POU3F3: variants seen among roughly 807,000 people sequenced by gnomAD.
POU3F3 encodes the protein POU class 3 homeobox 3.
Under a neutral mutation model 8.6 loss-of-function variants are expected in POU3F3, and 1 was observed. That is an observed-to-expected ratio of 0.12 (90% confidence interval 0.04 to 0.55). The LOEUF (loss-of-function observed/expected upper bound fraction) is 0.55. POU3F3 is among the 20% of genes least tolerant of loss of function. POU3F3 has a pLI of 0.91. For synonymous variants in POU3F3, 418 were observed against 327.4 expected, an observed-to-expected ratio of 1.28 and a Z score of -2.99; for missense variants, 577 against 690.7, an observed-to-expected ratio of 0.84 and a Z score of 1.84.
chr2:104,866,270 C>G, the POU3F3 span: 1 of 152,192 alleles, frequency 6.6e-6, no homozygotes, highest in African/African-American at 2.4e-5. Context: ...GCACCTGAAA[C>G]GGGCTTTCTG....
downstream of POU3F3, among the ~76,000 whole-genome samples, chr2:104,859,320 C>T (rs930997275): frequency 6.6e-6 from 1 of 152,148 alleles, no homozygotes; most frequent in African/African-American, 2.4e-5. Flanking sequence ...TTTACATAAA[C>T]CCTGCAGAGT....
At chr2:104,869,766 AGCCAGGCTTGGTG>A in the POU3F3 span, 1 of 152,176 alleles carries the variant, frequency 6.6e-6, no homozygotes, top group South Asian at 2.1e-4. Flanking sequence ...CCCACCTCCC[AGCCAGGCTTGGTG>A]GTGGGCAGAT....
the POU3F3 span, among the ~76,000 whole-genome samples, chr2:104,885,572 T>G: frequency 2.6e-5 from 4 of 152,106 alleles, no homozygotes; most frequent in Admixed American, 2.0e-4. Context: ...TAAAAGGCAC[T>G]CCCACCAGCA....
the POU3F3 span, among the ~76,000 whole-genome samples, chr2:104,922,205 G>A: frequency 1.3e-5 from 2 of 151,948 alleles, no homozygotes; most frequent in African/African-American, 4.8e-5. Context: ...CTGATTACCG[G>A]AGTTACTACA....
At chr2:104,888,091 A>C in the POU3F3 span, among the ~76,000 whole-genome samples, 4 of 152,230 alleles carry the variant, frequency 2.6e-5, 1 homozygote, top group South Asian at 6.2e-4. Context: ...CATCCATTTC[A>C]GATATAATGC....
rs1351156287 is a variant in POU3F3 at position 104,856,588 on chromosome 2, A to G, written c.1078A>G (p.Ile360Val). ...LYGNVFSQTT[I>V]CRFEALQLSF... The stretch of plus-strand genomic sequence containing the variant: ...CGGCAACGTGTTCTCGCAGACCACC[A>G]TCTGCCGCTTCGAGGCCCTGCAGCT... The change falls in exon 1 of 1, where the codon ATC becomes GTC. Residue 360 changes from isoleucine (I) to valine (V), a missense_variant. Physicochemically the swap from Ile to Val is conservative, Grantham distance 29. This residue lies in a region of POU3F3 where 20 missense variants were observed against 107.7 expected (regional missense o/e 0.19). Coordinates refer to ENST00000361360, the MANE Select transcript of POU3F3 (RefSeq NM_006236.3). The G allele has an allele frequency of 6.2e-7, 1 of 1,614,056 alleles. No individual in the cohort carries two copies. The highest frequency in any genetic ancestry group is 1.3e-5 in the African/African-American group (1 of 74,938).
chr2:104,872,342 C>T, the POU3F3 span: 1 of 456,602 alleles, frequency 2.2e-6, no homozygotes, highest in Non-Finnish European at 4.4e-6. This position sits in a 1 kb window ranked among gnomAD's most constrained non-coding sequence, Gnocchi z 4.6. Context: ...AAGACCAGAG[C>T]ACACACTTCG....
At chr2:104,867,183 G>A in the POU3F3 span, 1 of 152,206 alleles carries the variant, frequency 6.6e-6, no homozygotes, top group African/African-American at 2.4e-5. The surrounding 1 kb of genome is among the most constrained non-coding windows in gnomAD (Gnocchi z 5.0). Flanking sequence ...TACTGCAGGC[G>A]GGGCGAACCG....
At chr2:104,906,200 T>G in the POU3F3 span, among the ~76,000 whole-genome samples, 4 of 152,254 alleles carry the variant, frequency 2.6e-5, no homozygotes, top group Non-Finnish European at 4.4e-5. Context: ...CCATTTGAAT[T>G]TATTTTGATG....
At chr2:104,910,477 A>G in the POU3F3 span, among the ~76,000 whole-genome samples, 3 of 152,198 alleles carry the variant, frequency 2.0e-5, no homozygotes, top group Non-Finnish European at 4.4e-5. Flanking sequence ...AACTACAGGC[A>G]GATCGTGTAA....
chr2:104,866,201 G>A, the POU3F3 span: 1 of 152,170 alleles, frequency 6.6e-6, no homozygotes, highest in Non-Finnish European at 1.5e-5. Context: ...GAGTGGCCTT[G>A]AGTCCCAAGC....
chr2:104,884,839 G>A, the POU3F3 span, among the ~76,000 whole-genome samples: 1 of 152,124 alleles, frequency 6.6e-6, no homozygotes. Flanking sequence ...GGAAAACCTA[G>A]GTGCTCCAAG....
chr2:104,925,638 A>C, the POU3F3 span, among the ~76,000 whole-genome samples: 1 of 152,200 alleles, frequency 6.6e-6, no homozygotes, highest in Non-Finnish European at 1.5e-5. Flanking sequence ...TAAAACTGTA[A>C]AAAGTAAGAC....
chr2:104,879,047 C>T, the POU3F3 span, among the ~76,000 whole-genome samples: 2 of 151,496 alleles, frequency 1.3e-5, no homozygotes, highest in Non-Finnish European at 2.9e-5. Context: ...TACATACAAA[C>T]CACATACAAC....
At chr2:104,879,611 G>T in the POU3F3 span, among the ~76,000 whole-genome samples, 2 of 152,140 alleles carry the variant, frequency 1.3e-5, no homozygotes, top group Non-Finnish European at 2.9e-5. Context: ...TGAGCAGAAT[G>T]GGGTGGCCCT....
At chr2:104,854,063 T>C (rs1481078115), upstream of POU3F3, among the ~76,000 whole-genome samples, 1 of 152,054 alleles carries the variant, frequency 6.6e-6, no homozygotes, top group Non-Finnish European at 1.5e-5. The surrounding 1 kb of genome is among the most constrained non-coding windows in gnomAD (Gnocchi z 4.5). Flanking sequence ...CTCGACTTCC[T>C]TGTATTTGGG....
the POU3F3 span, among the ~76,000 whole-genome samples, chr2:104,885,807 T>C: frequency 3.9e-5 from 6 of 152,104 alleles, no homozygotes; most frequent in Non-Finnish European, 8.8e-5. Flanking sequence ...TTCTTTCTTT[T>C]TTTTTTTGAG....
At chr2:104,894,073 T>C in the POU3F3 span, among the ~76,000 whole-genome samples, 1 of 152,170 alleles carries the variant, frequency 6.6e-6, no homozygotes, top group East Asian at 1.9e-4. Context: ...GTTAAGATCC[T>C]TGCTCTGCTA....
chr2:104,889,338 A>G, the POU3F3 span, among the ~76,000 whole-genome samples: 1 of 152,134 alleles, frequency 6.6e-6, no homozygotes, highest in East Asian at 1.9e-4. Context: ...AGGTCCTGCT[A>G]GTGCGGCTTC....
Sources: allele counts gnomAD v4.1 joint callset (sites outside exome capture counted in the v4.1 genomes callset), GRCh38; gene constraint gnomAD v4.1.1; regional missense constraint gnomAD v4.1.1; non-coding constraint Gnocchi (gnomAD v3.1); transcripts MANE v1.5; gene names NCBI Gene and HGNC (gene_info 2026-07-23, HGNC 2026-07-21).